The following MID1 variants were observed in gnomAD, a reference collection of about 807,000 sequenced individuals.
MID1 encodes the protein E3 ubiquitin-protein ligase Midline-1.
Under a neutral mutation model 40.4 loss-of-function variants are expected in MID1, and 7 were observed. The ratio of observed to expected loss-of-function variants is 0.17; its 90% confidence interval spans 0.10 to 0.33. The LOEUF (loss-of-function observed/expected upper bound fraction) is 0.33. MID1 is among the 10% of genes least tolerant of loss of function. The probability of loss-of-function intolerance (pLI) is 1.00; values close to 1 mark genes in which losing one functional copy is unlikely to be tolerated. For synonymous variants in MID1, 229 were observed against 221.2 expected (o/e 1.04, Z -0.31); for missense variants, 367 against 558.5 (o/e 0.66, Z 3.46).
intron 1 of MID1, among the ~76,000 whole-genome samples, chrX:10,657,213 C>G (rs1223065470): frequency 1.8e-5 from 2 of 111,124 alleles, no homozygotes; most frequent in African/African-American, 6.5e-5. Flanking sequence ...TAAGATTAAG[C>G]TTCAGTGCCC....
rs1477790300 is a variant in MID1, at chrX:10,704,733, T to TACAC, written c.-186-84315_-186-84314insGTGT. Among the ~76,000 whole-genome samples, 289 of 81,432 alleles carry TACAC rather than the reference T, an allele frequency of 3.5e-3. 2 individuals are homozygous for TACAC. The highest frequency in any genetic ancestry group is 0.016 in the African/African-American group (275 of 16,774). 70.7% of individuals were successfully genotyped at this position (81,432 alleles called of 115,157 possible). On this transcript the variant is annotated intron_variant, in intron 1 of 10. Transcript: ENST00000380785. ...GTGTGTGTGTATATATATATATATA[T>TACAC]ATATATACACACACACACACACACA...
chrX:10,516,782 GT>G, intron 3 of MID1, among the ~76,000 whole-genome samples: 1 of 109,653 alleles, frequency 9.1e-6, no homozygotes, highest in East Asian at 2.9e-4. Context: ...CGCCTGTCTA[GT>G]TTTTTTATTT....
chrX:10,505,696 A>G (rs1301622738), intron 3 of MID1: 1 of 752,935 alleles, frequency 1.3e-6, no homozygotes, highest in Admixed American at 8.7e-5. Flanking sequence ...GCCAGGAAAG[A>G]TGGAGGTGAC....
chrX:10,578,358 T>C (rs932338690), intron 1 of MID1, among the ~76,000 whole-genome samples: 4 of 112,536 alleles, frequency 3.6e-5, no homozygotes, highest in South Asian at 7.4e-4. Flanking sequence ...GTCAAAATTC[T>C]ACAGGCCTAA....
rs577943081 is a variant in MID1 at position 10,633,880 on chromosome X, A to G, written c.-186-13461T>C. ...TAGATGAAAAGATTTCCTCCCCAAT[A>G]CTCGTTGCCTAAGAAATGTGAGACA... is the stretch of plus-strand genomic sequence containing the variant. On this transcript the variant is annotated intron_variant, in intron 1 of 10. Coordinates refer to the MID1 transcript ENST00000380785. Among the ~76,000 whole-genome samples, 5 of 110,757 alleles carry G rather than the reference A, an allele frequency of 4.5e-5. No individual in the cohort carries two copies. In the South Asian group the frequency reaches 1.2e-3, roughly 26 times the overall value.
intron 2 of MID1, among the ~76,000 whole-genome samples, chrX:10,551,562 C>T (rs1427137103): frequency 9.0e-6 from 1 of 111,140 alleles, no homozygotes; most frequent in Non-Finnish European, 1.9e-5. Flanking sequence ...GCAACTTCTA[C>T]CTACACAATA....
intron 3 of MID1, among the ~76,000 whole-genome samples, chrX:10,510,701 G>A (rs1932082672): frequency 9.3e-6 from 1 of 107,410 alleles, no homozygotes; most frequent in South Asian, 4.2e-4. Context: ...GCATGGTGGT[G>A]CACACTTGTA....
At chrX:10,577,827 GA>G (rs59954286) in intron 1 of MID1, among the ~76,000 whole-genome samples, 741 of 50,594 alleles carry the variant, frequency 0.015, 8 homozygotes, top group African/African-American at 0.045. Context: ...CTTCCTAAAA[GA>G]AAAAAAAAAA....
In MID1 at chrX:10,777,440, G is replaced by A. The variant is rs1053590358; in HGVS notation, c.-187+56114C>T. ...TCTCGATCTCCTGACCTCGTGATTC[G>A]CCCGCCTCGGCCTCCCAAAGTGCTG... is the stretch of plus-strand genomic sequence containing the variant. On this transcript the variant is annotated intron_variant, in intron 1 of 10. Transcript: ENST00000380785. 6.4e-5 allele frequency among the ~76,000 whole-genome samples: 7 copies of A among 109,209 alleles called. No individual in the cohort carries two copies. In the East Asian group the frequency reaches 2.0e-3, roughly 32 times the overall value. The allele number at this position is 109,209 out of a possible 115,157, so 94.8% of individuals were successfully genotyped here. A position where few individuals can be genotyped will look rare whatever the true frequency, so the allele number is the denominator to read the frequency against.
chrX:10,739,975 A>G (rs2043512453), intron 1 of MID1, among the ~76,000 whole-genome samples: 1 of 112,512 alleles, frequency 8.9e-6, no homozygotes, highest in Non-Finnish European at 1.9e-5. Flanking sequence ...AAGCGTAGGC[A>G]TTGACCTCCT....
At chrX:10,609,715 C>CTTTTTTTTTTTTTTTTTTTTTTTTTT (rs138559299) in intron 1 of MID1, among the ~76,000 whole-genome samples, 1 of 86,413 alleles carries the variant, frequency 1.2e-5, no homozygotes, top group African/African-American at 4.8e-5. Context: ...TTCTTTCTTT[C>CTTTTTTTTTTTTTTTTTTTTTTTTTT]TTTTTTTTTT....
At chrX:10,790,121 C>T (rs1347865440) in intron 1 of MID1, among the ~76,000 whole-genome samples, 1 of 110,803 alleles carries the variant, frequency 9.0e-6, no homozygotes, top group East Asian at 2.8e-4. Context: ...CTAAATATCA[C>T]ACCCTAAAAA....
chrX:10,753,019 T>C (rs1011114069), intron 1 of MID1, among the ~76,000 whole-genome samples: 6 of 111,758 alleles, frequency 5.4e-5, no homozygotes, highest in Non-Finnish European at 1.1e-4. Flanking sequence ...TGTGGCCCTG[T>C]TTGCTCAAAT....
chrX:10,566,399 G>T (rs1305601007), intron 2 of MID1, among the ~76,000 whole-genome samples: 1 of 110,947 alleles, frequency 9.0e-6, no homozygotes, highest in Non-Finnish European at 1.9e-5. Flanking sequence ...TGTTTGTGCA[G>T]TAACTAGATA....
At chrX:10,646,241 T>C (rs957979786) in intron 1 of MID1, among the ~76,000 whole-genome samples, 2 of 111,785 alleles carry the variant, frequency 1.8e-5, no homozygotes, top group African/African-American at 6.5e-5. Flanking sequence ...GGTGTGCAAT[T>C]GCTTGCTGGC....
At chrX:10,648,721 G>A (rs942490495) in intron 1 of MID1, among the ~76,000 whole-genome samples, 2 of 111,373 alleles carry the variant, frequency 1.8e-5, no homozygotes, top group African/African-American at 6.5e-5. Context: ...CTGGGCACAC[G>A]GGAAGACCAT....
intron 1 of MID1, among the ~76,000 whole-genome samples, chrX:10,762,673 G>A (rs2043688456): frequency 9.0e-6 from 1 of 110,733 alleles, no homozygotes; most frequent in Non-Finnish European, 1.9e-5. Context: ...GAGCTCAAGC[G>A]ATCCGCCCGC....
In MID1 at chrX:10,449,674, T is replaced by C. The variant is rs34554583; in HGVS notation, c.1698A>G (p.Glu566=). ...GLAYKSAPKH[E]WIGKNSASWA... ...AGGAAGCAGAGTTCTTCCCAATCCA[T>C]TCATGCTTCGGGGCTGATTTGTAAG... The change falls in exon 10 of 10, where the codon GAA becomes GAG. Residue 566 remains glutamate (E), a synonymous_variant. Coordinates refer to ENST00000317552, the MANE Select transcript of MID1 (RefSeq NM_000381.4). 4.1e-4 allele frequency: 490 copies of C among 1,209,766 alleles called. 1 individual carries two copies. The African/African-American group carries it at 7.1e-3, about 17-fold the overall frequency.
intron 1 of MID1, among the ~76,000 whole-genome samples, chrX:10,786,224 T>C (rs1253445716): frequency 1.8e-5 from 2 of 110,096 alleles, no homozygotes; most frequent in Admixed American, 9.7e-5. Context: ...AAAATGCTCA[T>C]CATCACTGGC....
Sources: allele counts gnomAD v4.1 joint callset (sites outside exome capture counted in the v4.1 genomes callset), GRCh38; gene constraint gnomAD v4.1.1; transcripts MANE v1.5; gene names NCBI Gene and HGNC (gene_info 2026-07-23, HGNC 2026-07-21).